Variants in TRMT44 observed in about 807,000 individuals in gnomAD.
TRMT44 encodes probable tRNA (uracil-O(2)-)-methyltransferase.
A neutral mutation model predicts 77.3 loss-of-function variants in TRMT44; 78 were observed. The ratio of observed to expected loss-of-function variants is 1.01; its 90% confidence interval spans 0.84 to 1.22. TRMT44 has a LOEUF of 1.22. Ranked by LOEUF, TRMT44 falls within the 50% of genes most tolerant of loss-of-function variation. The pLI is 0.00. For missense variants in TRMT44, 1,090 were observed against 964.4 expected (o/e 1.13, Z -1.73); for synonymous variants, 391 against 383.3 (o/e 1.02, Z -0.23).
chr4:8,510,581 A>C, the TRMT44 span: 96 of 152,750 alleles, frequency 6.3e-4, no homozygotes, highest in African/African-American at 2.2e-3. Flanking sequence ...CTGACCCCCG[A>C]TGGCAACTGC....
At chr4:8,449,184 C>G (rs546426435) in intron 2 of TRMT44, among the ~76,000 whole-genome samples, 5 of 152,332 alleles carry the variant, frequency 3.3e-5, no homozygotes, top group African/African-American at 4.8e-5. Context: ...TGTCATGAAC[C>G]TTCTGATGGC....
Position 8,452,336 on chromosome 4 carries a change from G to C in TRMT44, c.1023+308G>C, listed in dbSNP as rs1174346461. Among the ~76,000 whole-genome samples, 1 of 152,222 alleles carries C rather than the reference G, an allele frequency of 6.6e-6. No homozygotes were observed. The highest frequency in any genetic ancestry group is 1.5e-5 in the Non-Finnish European group (1 of 68,032). On this transcript the variant is annotated intron_variant, in intron 4 of 10. Transcript: ENST00000389737. This position sits in a 1 kb window ranked among gnomAD's most constrained non-coding sequence, Gnocchi z 5.7. ...AGCACTGAGGAACACGTGTCTTCCG[G>C]CCCTGGCCTAGAACCTTCTAGCCCT...
chr4:8,470,865 C>T (rs996296892), intron 9 of TRMT44: 8 of 474,728 alleles, frequency 1.7e-5, no homozygotes, highest in African/African-American at 9.9e-5. Context: ...TGTGGGGCTG[C>T]GTCTTGTCAG....
chr4:8,466,964 T>C (rs1205958527), intron 8 of TRMT44, among the ~76,000 whole-genome samples: 5 of 152,206 alleles, frequency 3.3e-5, no homozygotes, highest in Non-Finnish European at 5.9e-5. Flanking sequence ...GAGGTCGGCT[T>C]CCTTATCACC....
intron 6 of TRMT44, among the ~76,000 whole-genome samples, chr4:8,458,319 G>T (rs1179238521): frequency 6.6e-6 from 1 of 152,132 alleles, no homozygotes; most frequent in Non-Finnish European, 1.5e-5. Context: ...CCACACCTGA[G>T]ACAGCAAGAC....
At position 8,468,236 on chromosome 4, in the gene TRMT44, G is replaced by T; in HGVS notation, c.1817G>T (p.Arg606Leu). ...GTGAGGAACTGTGCCGCCCTGCCAC[G>T]AGATTTTATTGACCAAGTGGTTTTG... ...ERVRNCAALP[R>L]DFIDQVVLQV... is the part of the protein sequence containing the mutation. Residue 606 changes from arginine (R) to leucine (L), a missense_variant, in exon 9 of 11, where the codon CGA becomes CTA. Coordinates refer to ENST00000389737, the MANE Select transcript of TRMT44 (RefSeq NM_152544.3). 6.2e-7 allele frequency: 1 copy of T among 1,614,242 alleles called. No homozygotes were observed. The highest frequency in any genetic ancestry group is 8.5e-7 in the Non-Finnish European group (1 of 1,180,040).
the TRMT44 span, among the ~76,000 whole-genome samples, chr4:8,503,084 C>T: frequency 1.3e-5 from 2 of 152,238 alleles, no homozygotes; most frequent in African/African-American, 4.8e-5. Context: ...GGCTGTGACC[C>T]TGGGCTGCTT....
chr4:8,504,855 GC>G, the TRMT44 span, among the ~76,000 whole-genome samples: 1 of 152,190 alleles, frequency 6.6e-6, no homozygotes, highest in African/African-American at 2.4e-5. The surrounding 1 kb of genome is among the most constrained non-coding windows in gnomAD (Gnocchi z 5.3). Flanking sequence ...GCTCCCTGGG[GC>G]TGAACGCCAC....
chr4:8,468,103 G>T lies in TRMT44; in HGVS notation c.1684G>T (p.Ala562Ser), dbSNP rs146646171. The stretch of plus-strand genomic sequence containing the variant: ...CTGTGACGGTCAGCAAGCTCTGGAC[G>T]CCAGGGTCGGGTGTGTAACCAGGGC... The part of the protein sequence containing the change: ...GHCDGQQALD[A>S]RVGCVTRAWA... Residue 562 changes from alanine (A) to serine (S), a missense_variant, in exon 9 of 11, where the codon GCC (alanine) becomes TCC (serine). Ala to Ser is a moderately conservative substitution (Grantham distance 99). Transcript: ENST00000389737. The T allele has an allele frequency of 5.6e-6, 9 of 1,613,796 alleles. No individual in the cohort carries two copies. Among genetic ancestry groups the T allele is most frequent in the Non-Finnish European group, 7.6e-6 (9 of 1,180,004 alleles).
chr4:8,498,429 G>T (rs763701141), downstream of TRMT44, among the ~76,000 whole-genome samples: 3 of 152,182 alleles, frequency 2.0e-5, no homozygotes, highest in Non-Finnish European at 4.4e-5. The surrounding 1 kb of genome is among the most constrained non-coding windows in gnomAD (Gnocchi z 4.3). Flanking sequence ...GCTGTCTAGG[G>T]AGCATGATGC....
chr4:8,504,635 C>G, the TRMT44 span, among the ~76,000 whole-genome samples: 3 of 152,144 alleles, frequency 2.0e-5, no homozygotes, highest in Non-Finnish European at 4.4e-5. This position sits in a 1 kb window ranked among gnomAD's most constrained non-coding sequence, Gnocchi z 5.3. Context: ...CTCTTCCACC[C>G]GGGAGGAAGT....
intron 2 of TRMT44, among the ~76,000 whole-genome samples, chr4:8,486,536 C>G (rs1466694544): frequency 6.6e-6 from 1 of 150,418 alleles, no homozygotes; most frequent in Non-Finnish European, 1.5e-5. Context: ...TTTTTGGGAG[C>G]AGATAGGGTA....
chr4:8,447,354 G>C (rs191380852), intron 2 of TRMT44, among the ~76,000 whole-genome samples: 1 of 152,138 alleles, frequency 6.6e-6, no homozygotes, highest in African/African-American at 2.4e-5. Flanking sequence ...TTTTTAAAAC[G>C]AAAAAGTCAG....
At chr4:8,501,914 G>A in the TRMT44 span, among the ~76,000 whole-genome samples, 1 of 152,332 alleles carries the variant, frequency 6.6e-6, no homozygotes, top group South Asian at 2.1e-4. This position sits in a 1 kb window ranked among gnomAD's most constrained non-coding sequence, Gnocchi z 4.4. Context: ...ACATCTCTCT[G>A]TTGAGAAGAC....
intron 8 of TRMT44, among the ~76,000 whole-genome samples, chr4:8,467,352 T>G (rs955806903): frequency 2.0e-5 from 3 of 152,162 alleles, no homozygotes; most frequent in Admixed American, 6.5e-5. Flanking sequence ...CTCTTGAGTT[T>G]AGGCGCCTTT....
Position 8,441,273 on chromosome 4 carries a change from C to G in TRMT44, c.451C>G (p.Gln151Glu). 2 of 1,535,562 alleles carry G rather than the reference C, an allele frequency of 1.3e-6. No homozygotes were observed. Among genetic ancestry groups the G allele is most frequent in the Non-Finnish European group, 1.7e-6 (2 of 1,146,654 alleles). Residue 151 changes from glutamine (Q) to glutamate (E), a missense_variant, in exon 1 of 11, where the codon CAA (glutamine) becomes GAA (glutamate). Physicochemically the swap from Gln to Glu is conservative, Grantham distance 29. Coordinates refer to ENST00000389737, the MANE Select transcript of TRMT44 (RefSeq NM_152544.3). ...GGATTCGCTTTGGGAGGATTTCTCC[C>G]AAAGTCTCGCCCGTGGCAATTCGGA... Reference protein sequence around the residue: ...DLDSLWEDFSQSLARGNSELL... With the variant: ...DLDSLWEDFSESLARGNSELL...
intron 10 of TRMT44, among the ~76,000 whole-genome samples, chr4:8,473,939 C>A (rs947436338): frequency 2.0e-5 from 3 of 152,158 alleles, no homozygotes; most frequent in African/African-American, 7.2e-5. Flanking sequence ...CGTTCGGGAG[C>A]CTCATCTCTA....
chr4:8,499,134 C>T, the TRMT44 span, among the ~76,000 whole-genome samples: 1 of 152,210 alleles, frequency 6.6e-6, no homozygotes, highest in Admixed American at 6.5e-5. Flanking sequence ...AGAGTGTGGC[C>T]ATCAAGGAGG....
chr4:8,503,127 G>A, the TRMT44 span, among the ~76,000 whole-genome samples: 1 of 152,220 alleles, frequency 6.6e-6, no homozygotes, highest in Non-Finnish European at 1.5e-5. Flanking sequence ...TATCTGTAGA[G>A]GGAGGACTTG....
Sources: allele counts gnomAD v4.1 joint callset (sites outside exome capture counted in the v4.1 genomes callset), GRCh38; gene constraint gnomAD v4.1.1; non-coding constraint Gnocchi (gnomAD v3.1); transcripts MANE v1.5; gene names NCBI Gene and HGNC (gene_info 2026-07-23, HGNC 2026-07-21).